Variants in CELF4 observed in about 807,000 individuals in gnomAD.
CELF4 encodes the protein CUG-BP- and ETR-3-like factor 4.
In CELF4, 18 loss-of-function variants were observed where a neutral mutation model predicts 59.9. The observed-to-expected ratio is 0.30, with a 90% CI of 0.21 to 0.45. The LOEUF (loss-of-function observed/expected upper bound fraction) is 0.45. CELF4 is among the 20% of genes least tolerant of loss of function. The probability of loss-of-function intolerance (pLI) is 1.00; values close to 1 mark genes in which losing one functional copy is unlikely to be tolerated. For synonymous variants in CELF4, 261 were observed against 267.1 expected (o/e 0.98, Z 0.22); for missense variants, 456 against 689.0 (o/e 0.66, Z 3.79).
At position 37,275,095 on chromosome 18, in the gene CELF4, C is replaced by T; in HGVS notation, c.577+20G>A. On this transcript the variant is annotated intron_variant, in intron 4 of 12. Transcript: ENST00000420428. ...TCGCCCCTCCCTCCGGGGCATCCCT[C>T]CCGGCCCCGCCCCGCGCACCCTTGC... The T allele has an allele frequency of 1.9e-6, 3 of 1,611,350 alleles. No individual in the cohort carries two copies. The South Asian group carries it at 3.3e-5, about 18-fold the overall frequency.
chr18:37,483,331 G>A (rs1364808149), intron 2 of CELF4, among the ~76,000 whole-genome samples: 2 of 152,146 alleles, frequency 1.3e-5, no homozygotes, highest in African/African-American at 4.8e-5. Flanking sequence ...TCGGAACTTC[G>A]AGCTGCAATC....
At chr18:37,309,517 C>T (rs921958500) in intron 3 of CELF4, among the ~76,000 whole-genome samples, 3 of 152,048 alleles carry the variant, frequency 2.0e-5, no homozygotes, top group Admixed American at 6.5e-5. Flanking sequence ...TGTGCCTTGT[C>T]CTGGGCTGGG....
In CELF4 at chr18:37,565,707, T is replaced by TCGCC. The variant is rs2154606474; in HGVS notation, c.-67_-66insGGCG. 6.9e-7 allele frequency: 1 copy of TCGCC among 1,455,300 alleles called. No homozygotes were observed. Among genetic ancestry groups the TCGCC allele is most frequent in the South Asian group, 1.4e-5 (1 of 73,416 alleles). The allele number at this position is 1,455,300 out of a possible 1,614,324, so 90.1% of individuals were successfully genotyped here. A position where few individuals can be genotyped will look rare whatever the true frequency, so the allele number is the denominator to read the frequency against. ...TCTCTCGCTCCTCTCTCTCGCTCGC[T>TCGCC]CGCGCTCACACACGCACACGCATAC... On this transcript the variant is annotated 5_prime_UTR_variant, in exon 1 of 13. Transcript: ENST00000420428.
intron 2 of CELF4, 53 bp downstream of exon 2, chr18:37,485,472 A>T: frequency 8.6e-7 from 1 of 1,157,992 alleles, no homozygotes; most frequent in Non-Finnish European, 1.1e-6. Flanking sequence ...GGCCTCCCGA[A>T]GTCGCCCCCT....
intron 9 of CELF4, among the ~76,000 whole-genome samples, chr18:37,265,798 A>G (rs1366818759): frequency 2.0e-5 from 3 of 152,176 alleles, no homozygotes; most frequent in African/African-American, 7.2e-5. Context: ...AGGTAGCCCC[A>G]CTGCACTCAT....
At chr18:37,535,567 A>G (rs759112639) in intron 1 of CELF4, among the ~76,000 whole-genome samples, 13 of 152,156 alleles carry the variant, frequency 8.5e-5, no homozygotes, top group Non-Finnish European at 1.5e-4. Flanking sequence ...ATCACTTGAC[A>G]TGGTACACGC....
chr18:37,349,460 A>G (rs1283103472), intron 2 of CELF4, among the ~76,000 whole-genome samples: 1 of 152,256 alleles, frequency 6.6e-6, no homozygotes, highest in Non-Finnish European at 1.5e-5. Flanking sequence ...CCAGGAGATG[A>G]CACAATAGGC....
At chr18:37,493,258 G>T (rs1180036015) in intron 1 of CELF4, among the ~76,000 whole-genome samples, 1 of 152,176 alleles carries the variant, frequency 6.6e-6, no homozygotes, top group African/African-American at 2.4e-5. Context: ...TTCTAGGAGT[G>T]TCTAAGTTTT....
At chr18:37,431,362 CTT>C (rs35971960) in intron 2 of CELF4, among the ~76,000 whole-genome samples, 6 of 81,562 alleles carry the variant, frequency 7.4e-5, no homozygotes, top group African/African-American at 2.4e-4. Context: ...CCTTTCTTTC[CTT>C]TTTTTTTTTT....
At chr18:37,495,964 T>C (rs1484513552) in intron 1 of CELF4, among the ~76,000 whole-genome samples, 1 of 152,108 alleles carries the variant, frequency 6.6e-6, no homozygotes, top group Non-Finnish European at 1.5e-5. Flanking sequence ...TTGTGGCTTC[T>C]TAGGACAGAC....
intron 2 of CELF4, among the ~76,000 whole-genome samples, chr18:37,345,568 G>A (rs1388747742): frequency 6.6e-6 from 1 of 152,152 alleles, no homozygotes; most frequent in Non-Finnish European, 1.5e-5. Context: ...TGAGTGCTTT[G>A]GGGTGGGGTG....
At chr18:37,545,212 C>A (rs778203508) in intron 1 of CELF4, among the ~76,000 whole-genome samples, 1 of 152,154 alleles carries the variant, frequency 6.6e-6, no homozygotes, top group African/African-American at 2.4e-5. Context: ...GTGTGAGGAG[C>A]GGGTAGTGTC....
chr18:37,457,075 T>C (rs954137308), intron 2 of CELF4, among the ~76,000 whole-genome samples: 1 of 152,118 alleles, frequency 6.6e-6, no homozygotes. Flanking sequence ...GAAGGTTCAG[T>C]GGAAGTAGGA....
At chr18:37,260,555 A>C (rs1401471480) in intron 10 of CELF4, among the ~76,000 whole-genome samples, 1 of 152,202 alleles carries the variant, frequency 6.6e-6, no homozygotes, top group African/African-American at 2.4e-5. Flanking sequence ...GTAAGGCACC[A>C]ACATGGGCCG....
intron 2 of CELF4, among the ~76,000 whole-genome samples, chr18:37,362,675 GCC>G (rs1569567738): frequency 2.7e-4 from 1 of 3,736 alleles, no homozygotes; most frequent in Non-Finnish European, 4.7e-4. Flanking sequence ...CCCGCTGGCT[GCC>G]CTGCCCTGCC....
chr18:37,254,527 C>T lies in CELF4; in HGVS notation c.1334-589G>A, dbSNP rs541842312. On this transcript the variant is annotated intron_variant, in intron 11 of 12. Transcript: ENST00000420428. This position sits in a 1 kb window ranked among gnomAD's most constrained non-coding sequence, Gnocchi z 5.1. ...AGGCTGAGCCCTCGCGGGCCCTCCG[C>T]CCCCACTCCCGGCCTCTGCCCGCCC... Among the ~76,000 whole-genome samples, 9 of 152,188 alleles carry T rather than the reference C, an allele frequency of 5.9e-5. No homozygotes were observed. In the South Asian group the frequency reaches 1.5e-3, roughly 25 times the overall value.
At chr18:37,384,053 T>A (rs971375147) in intron 2 of CELF4, among the ~76,000 whole-genome samples, 36 of 152,128 alleles carry the variant, frequency 2.4e-4, no homozygotes, top group African/African-American at 8.4e-4. Context: ...TTGTCCTGCC[T>A]CCTGCATGGC....
At chr18:37,295,966 T>C (rs2095616456) in intron 3 of CELF4, among the ~76,000 whole-genome samples, 2 of 152,186 alleles carry the variant, frequency 1.3e-5, no homozygotes, top group African/African-American at 4.8e-5. Flanking sequence ...CCCACTCAGC[T>C]GGAGAGGAGC....
chr18:37,266,483 A>C, intron 9 of CELF4, 50 bp downstream of exon 9: 79 of 1,503,644 alleles, frequency 5.3e-5, no homozygotes, highest in Non-Finnish European at 6.5e-5. Context: ...ACAGGCGTGG[A>C]GAGATAAACG....
Sources: allele counts gnomAD v4.1 joint callset (sites outside exome capture counted in the v4.1 genomes callset), GRCh38; gene constraint gnomAD v4.1.1; non-coding constraint Gnocchi (gnomAD v3.1); transcripts MANE v1.5; gene names NCBI Gene and HGNC (gene_info 2026-07-23, HGNC 2026-07-21).